The following CEACAM8 variants were observed in gnomAD, a reference collection of about 807,000 sequenced individuals.
CEACAM8 encodes the protein cell adhesion molecule CEACAM8.
In CEACAM8, 31 loss-of-function variants were observed where a neutral mutation model predicts 33.4. That is an observed-to-expected ratio of 0.93 (90% CI 0.70 to 1.25). CEACAM8 has a LOEUF of 1.25. CEACAM8 is among the 50% of genes most tolerant of loss of function. The pLI is 0.00. For missense variants in CEACAM8, 388 were observed against 434.6 expected, an observed-to-expected ratio of 0.89 and a Z score of 0.95; for synonymous variants, 138 against 164.5, an observed-to-expected ratio of 0.84 and a Z score of 1.23.
intron 5 of CEACAM8, among the ~76,000 whole-genome samples, chr19:42,582,005 G>C (rs1048157372): frequency 7.4e-6 from 1 of 134,916 alleles, no homozygotes; most frequent in South Asian, 2.5e-4. Flanking sequence ...TGAGTTCTTG[G>C]TGGAGCCCAT....
In CEACAM8 at chr19:42,593,883, A is replaced by C; in HGVS notation, c.82T>G (p.Trp28Gly). ...AGCTGAGCAGTGGTGGGCGGGTTCC[A>C]GAAGGTGAAAAGTGAGGCTAGGAGG... is the stretch of plus-strand genomic sequence containing the variant. The part of the protein sequence containing the change: ...LLLTASLFTF[W>G]NPPTTAQLTI... The change falls in exon 2 of 6, where the codon TGG becomes GGG. Residue 28 changes from tryptophan to glycine, a missense_variant. Coordinates refer to ENST00000244336, the MANE Select transcript of CEACAM8 (RefSeq NM_001816.4). 2 of 1,592,950 alleles carry C rather than the reference A, an allele frequency of 1.3e-6. No homozygotes were observed. Among genetic ancestry groups the C allele is most frequent in the Admixed American group, 1.7e-5 (1 of 57,888 alleles).
chr19:42,585,326 A>AAAC lies in CEACAM8; in HGVS notation c.959-1990_959-1989insGTT, dbSNP rs1555805780. ...TTCTCTCTCTCTCAAAAAAAAAAAA[A>AAAC]AAACAAACAAAAAAAAAACGAAAGA... is the stretch of plus-strand genomic sequence containing the variant. On this transcript the variant is annotated intron_variant, in intron 4 of 5. Coordinates refer to ENST00000244336, the MANE Select transcript of CEACAM8 (RefSeq NM_001816.4). Among the ~76,000 whole-genome samples, 36 of 148,970 alleles carry AAAC rather than the reference A, an allele frequency of 2.4e-4. 1 individual carries two copies. The highest frequency in any genetic ancestry group is 8.2e-4 in the African/African-American group (32 of 39,088).
In CEACAM8 at chr19:42,581,060, AC is replaced by A. The variant is rs1266473615; in HGVS notation, c.*333del. The A allele has an allele frequency of 6.7e-6, 1 of 149,198 alleles. No individual in the cohort carries two copies. The highest frequency in any genetic ancestry group is 1.5e-5 in the Non-Finnish European group (1 of 67,558). 9.2% of individuals were successfully genotyped at this position (149,198 alleles called of 1,614,324 possible). ...GTGCCACTGCACTCCAGCCTGGGCG[AC>A]AGAGCGAGATTCCATCTCAAAAAAA... On this transcript the variant is annotated 3_prime_UTR_variant, in exon 6 of 6. Coordinates refer to ENST00000244336, the MANE Select transcript of CEACAM8 (RefSeq NM_001816.4).
intron 2 of CEACAM8, among the ~76,000 whole-genome samples, chr19:42,590,421 A>G (rs1464352563): frequency 6.6e-6 from 1 of 152,234 alleles, no homozygotes; most frequent in Non-Finnish European, 1.5e-5. Flanking sequence ...GCTTTGGAGC[A>G]GAACCTTGTT....
At chr19:42,586,106 G>C (rs895039807) in intron 4 of CEACAM8, among the ~76,000 whole-genome samples, 3 of 152,132 alleles carry the variant, frequency 2.0e-5, no homozygotes, top group African/African-American at 7.2e-5. Context: ...CTCAAAAAAT[G>C]GGAAGACATT....
Position 42,593,910 on chromosome 19 carries a change from G to A in CEACAM8, c.65-10C>T. On this transcript the variant is annotated splice_polypyrimidine_tract_variant and intron_variant, in intron 1 of 5. Coordinates refer to ENST00000244336, the MANE Select transcript of CEACAM8 (RefSeq NM_001816.4). ...AAGGTGAAAAGTGAGGCTAGGAGGG[G>A]GAGAGAGCATCAAGCAATATTGCAA... The A allele has an allele frequency of 6.4e-7, 1 of 1,564,976 alleles. No individual in the cohort carries two copies.
chr19:42,580,307 CAGTG>C lies in CEACAM8; in HGVS notation c.*1083_*1086del, dbSNP rs1433894962. 3 of 152,122 alleles carry C rather than the reference CAGTG, an allele frequency of 2.0e-5. No homozygotes were observed. The highest frequency in any genetic ancestry group is 7.2e-5 in the African/African-American group (3 of 41,440). The allele number at this position is 152,122 out of a possible 1,614,324, so 9.4% of individuals were successfully genotyped here. A position where few individuals can be genotyped will look rare whatever the true frequency, so the allele number is the denominator to read the frequency against. Reference sequence around the variant, plus strand: ...CATGCCTGGGTTAAATTAAAACAGACAGTGAGAACAAGTGAGTCTAGGAGTCTGA... The same window carrying C: ...CATGCCTGGGTTAAATTAAAACAGACAGAACAAGTGAGTCTAGGAGTCTGA... On this transcript the variant is annotated 3_prime_UTR_variant, in exon 6 of 6. Coordinates refer to ENST00000244336, the MANE Select transcript of CEACAM8 (RefSeq NM_001816.4).
chr19:42,591,092 A>G (rs770361111), intron 2 of CEACAM8, among the ~76,000 whole-genome samples: 2 of 152,200 alleles, frequency 1.3e-5, no homozygotes, highest in African/African-American at 4.8e-5. Context: ...GGGATTTTTG[A>G]TGGTCAATGT....
Position 42,589,076 on chromosome 19 carries a change from G to A in CEACAM8, c.704-38C>T, listed in dbSNP as rs192010505. The A allele has an allele frequency of 4.4e-4, 703 of 1,583,642 alleles. 7 individuals are homozygous for A. The African/African-American group carries it at 8.9e-3, about 20-fold the overall frequency. On this transcript the variant is annotated intron_variant, in intron 3 of 5. Coordinates refer to ENST00000244336, the MANE Select transcript of CEACAM8 (RefSeq NM_001816.4). The stretch of plus-strand genomic sequence containing the variant: ...AATAAAGTCACAGGTGATGTCATCA[G>A]AGGGAAGGGGAAGCTCCTGGTCTGT...
chr19:42,593,166 A>T (rs1568699098), intron 2 of CEACAM8, among the ~76,000 whole-genome samples: 1 of 152,164 alleles, frequency 6.6e-6, no homozygotes. Context: ...GCTTCCAGGG[A>T]TGAACTTCTC....
At chr19:42,589,239 C>G (rs535001911) in intron 3 of CEACAM8, among the ~76,000 whole-genome samples, 1 of 152,294 alleles carries the variant, frequency 6.6e-6, no homozygotes, top group East Asian at 1.9e-4. Context: ...GATGTGGACT[C>G]CAAGTCTCCC....
At position 42,593,758 on chromosome 19, in the gene CEACAM8, T is replaced by G. The variant is rs765596579; in HGVS notation, c.207A>C (p.Lys69Asn). ...GACGGTTGGCATCCACTGTTTCCCC[T>G]TTGTACCAGTTGTAGCCACGAGGGT... ...PQDPRGYNWY[K>N]GETVDANRRI... is the part of the protein sequence containing the mutation. The change falls in exon 2 of 6, where the codon AAA (lysine) becomes AAC (asparagine). Residue 69 changes from lysine to asparagine, a missense_variant. Transcript: ENST00000244336. The G allele has an allele frequency of 6.2e-7, 1 of 1,614,096 alleles. No homozygotes were observed. The highest frequency in any genetic ancestry group is 8.5e-7 in the Non-Finnish European group (1 of 1,180,004).
In CEACAM8 at chr19:42,589,616, C is replaced by T. The variant is rs752529196; in HGVS notation, c.544G>A (p.Gly182Ser). The change falls in exon 3 of 6, where the codon GGT (glycine) becomes AGT (serine). Residue 182 changes from glycine (G) to serine (S), a missense_variant. By Grantham distance (56) the Gly-to-Ser change is moderately conservative (BLOSUM62 0). Coordinates refer to ENST00000244336, the MANE Select transcript of CEACAM8 (RefSeq NM_001816.4). ...QNTTYLWWVN[G>S]QSLPVSPRLQ... Reference sequence around the variant, plus strand: ...CTGGGACTGACCGGGAGACTCTGACCATTTACCCACCACAGGTAGGTTGTG... The same window carrying T: ...CTGGGACTGACCGGGAGACTCTGACTATTTACCCACCACAGGTAGGTTGTG... 6 of 1,614,094 alleles carry T rather than the reference C, an allele frequency of 3.7e-6. No individual in the cohort carries two copies. The highest frequency in any genetic ancestry group is 5.1e-6 in the Non-Finnish European group (6 of 1,180,052).
At chr19:42,592,115 A>C (rs1600302709) in intron 2 of CEACAM8, among the ~76,000 whole-genome samples, 1 of 152,272 alleles carries the variant, frequency 6.6e-6, no homozygotes, top group East Asian at 1.9e-4. Flanking sequence ...GCTCAGGAAG[A>C]AAGGATTTGA....
chr19:42,580,473 A>G lies in CEACAM8; in HGVS notation c.*921T>C. The G allele has an allele frequency of 6.6e-6, 1 of 152,254 alleles. No homozygotes were observed. The highest frequency in any genetic ancestry group is 1.9e-4 in the East Asian group (1 of 5,208). 9.4% of individuals were successfully genotyped at this position (152,254 alleles called of 1,614,324 possible). ...GATAGATTAGACACTCCGTTAATCT[A>G]TCATTCTCTGTATTTTCTCAAATAT... On this transcript the variant is annotated 3_prime_UTR_variant, in exon 6 of 6. Coordinates refer to ENST00000244336, the MANE Select transcript of CEACAM8 (RefSeq NM_001816.4).
At chr19:42,585,143 A>T (rs2042313763) in intron 4 of CEACAM8, among the ~76,000 whole-genome samples, 1 of 152,024 alleles carries the variant, frequency 6.6e-6, no homozygotes, top group Non-Finnish European at 1.5e-5. Context: ...AAATTAAAAC[A>T]AAAATTCAGC....
rs985754344 is a variant in CEACAM8, at chr19:42,582,160, G to A, written c.*41-807C>T. Among the ~76,000 whole-genome samples, 7 of 151,708 alleles carry A rather than the reference G, an allele frequency of 4.6e-5. No individual in the cohort carries two copies. In the South Asian group the frequency reaches 1.5e-3, roughly 32 times the overall value. On this transcript the variant is annotated intron_variant, in intron 5 of 5. Coordinates refer to ENST00000244336, the MANE Select transcript of CEACAM8 (RefSeq NM_001816.4). The stretch of plus-strand genomic sequence containing the variant: ...AGTTCTCCATCCTGGTTACATGTTA[G>A]TAGCATCTGGGAAGGCTTAAAAATT...
At chr19:42,591,636 CAG>C (rs1431789439) in intron 2 of CEACAM8, among the ~76,000 whole-genome samples, 1 of 152,170 alleles carries the variant, frequency 6.6e-6, no homozygotes, top group African/African-American at 2.4e-5. Context: ...GCGAATTGGA[CAG>C]AGTCTAAGTG....
rs758747344 is a variant in CEACAM8, at chr19:42,583,309, G to A, written c.987C>T (p.Gly329=). The change falls in exon 5 of 6, where the codon GGC becomes GGT. Residue 329 remains glycine (G), a synonymous_variant. Transcript: ENST00000244336. The part of the protein sequence containing the change: ...SDALVQGSSP[G]LSARATVSIM... ...TGCTGACAGTGGCTCTAGCTGAGAG[G>A]CCAGGAGAACTTCCTTGTACTAAAG... 3 of 1,613,062 alleles carry A rather than the reference G, an allele frequency of 1.9e-6. No homozygotes were observed. Among genetic ancestry groups the A allele is most frequent in the South Asian group, 2.2e-5 (2 of 91,034 alleles).
Sources: gnomAD v4.1 joint callset for allele counts (sites outside exome capture counted in the v4.1 genomes callset) on GRCh38, gnomAD v4.1.1 for gene constraint, MANE v1.5 for transcripts, NCBI Gene and HGNC (gene_info 2026-07-23, HGNC 2026-07-21) for gene names.